The following RIMS1 variants were observed in gnomAD, a reference collection of about 807,000 sequenced individuals.
RIMS1 encodes the protein regulating synaptic membrane exocytosis 1, also known as regulating synaptic membrane exocytosis protein 1.
Under a neutral mutation model 214.1 loss-of-function variants are expected in RIMS1, and 83 were observed. The ratio of observed to expected loss-of-function variants is 0.39; its 90% CI spans 0.32 to 0.47. The LOEUF is 0.47. Ranked by LOEUF, RIMS1 falls within the 20% of genes least tolerant of loss-of-function variation. RIMS1 has a pLI of 0.99. For synonymous variants in RIMS1, 793 were observed against 786.8 expected, an observed-to-expected ratio of 1.01 and a Z score of -0.13; for missense variants, 2,050 against 2,161.8, an observed-to-expected ratio of 0.95 and a Z score of 1.03.
chr6:71,968,926 T>G, intron 1 of RIMS1, 57 bp from the exon 2 acceptor site: 1 of 1,470,360 alleles, frequency 6.8e-7, no homozygotes, highest in Non-Finnish European at 9.5e-7. Flanking sequence ...AATTTCTAGA[T>G]GTGTTCTACC....
chr6:72,204,902 ACTTTT>A (rs915521946), intron 6 of RIMS1, among the ~76,000 whole-genome samples: 10 of 152,042 alleles, frequency 6.6e-5, no homozygotes, highest in African/African-American at 2.4e-4. Flanking sequence ...AAAAAGGGTA[ACTTTT>A]CTTGTCTTCT....
At chr6:72,048,891 A>G (rs546296880) in intron 2 of RIMS1, among the ~76,000 whole-genome samples, 1 of 152,296 alleles carries the variant, frequency 6.6e-6, no homozygotes, top group Non-Finnish European at 1.5e-5. Flanking sequence ...TGCTGTCCCT[A>G]TCCTGCCCTC....
intron 2 of RIMS1, among the ~76,000 whole-genome samples, chr6:72,094,087 G>A (rs925878534): frequency 2.0e-5 from 3 of 150,150 alleles, no homozygotes; most frequent in African/African-American, 7.3e-5. Context: ...AGGATATGTT[G>A]TCCTCAATAT....
intron 6 of RIMS1, among the ~76,000 whole-genome samples, chr6:72,215,514 A>G (rs1006351041): frequency 6.6e-6 from 1 of 152,240 alleles, no homozygotes; most frequent in Non-Finnish European, 1.5e-5. Flanking sequence ...GGGCAATTTA[A>G]TTAGGTTTTC....
chr6:72,328,769 A>G (rs181318296), intron 28 of RIMS1, among the ~76,000 whole-genome samples: 90 of 151,748 alleles, frequency 5.9e-4, no homozygotes, highest in Admixed American at 1.1e-3. Flanking sequence ...TGCACAATAT[A>G]TTTCTTGAGT....
At chr6:72,087,107 G>A (rs1299692442) in intron 2 of RIMS1, among the ~76,000 whole-genome samples, 1 of 152,178 alleles carries the variant, frequency 6.6e-6, no homozygotes, top group African/African-American at 2.4e-5. Context: ...CAGATAAAAT[G>A]AGCGAGACAG....
intron 26 of RIMS1, among the ~76,000 whole-genome samples, chr6:72,296,422 A>C (rs1454042835): frequency 6.6e-6 from 1 of 151,968 alleles, no homozygotes; most frequent in African/African-American, 2.4e-5. Context: ...GCAGTCATAC[A>C]TCTGAGAAGC....
chr6:72,003,502 C>T (rs1806085505), intron 2 of RIMS1, among the ~76,000 whole-genome samples: 1 of 152,064 alleles, frequency 6.6e-6, no homozygotes, highest in East Asian at 1.9e-4. Context: ...TTTTCTCTGA[C>T]ACCTAATTTT....
Position 72,060,184 on chromosome 6 carries a change from G to A in RIMS1, c.246-36765G>A, listed in dbSNP as rs2152238445. Among the ~76,000 whole-genome samples the A allele has an allele frequency of 2.0e-5, 3 of 151,928 alleles. No individual in the cohort carries two copies. The South Asian group carries it at 6.3e-4, about 32-fold the overall frequency. On this transcript the variant is annotated intron_variant, in intron 2 of 33. Transcript: ENST00000521978. ...GGGTTTCTCCATGTTGGTCAGGCTG[G>A]TCTCAAACTCCCGACCTCAGGTGAT...
In RIMS1 at chr6:72,298,864, G is replaced by C. The variant is rs552554684; in HGVS notation, c.3850+6818G>C. Among the ~76,000 whole-genome samples the C allele has an allele frequency of 7.2e-5, 11 of 152,018 alleles. No individual in the cohort carries two copies. In the South Asian group the frequency reaches 1.5e-3, roughly 20 times the overall value. On this transcript the variant is annotated intron_variant, in intron 26 of 33. Transcript: ENST00000521978. ...ATACAGATAACAAATCCTTTGGCTT[G>C]AAAGTTAACAAAGCTAACAAAGATA...
At chr6:72,223,256 T>A (rs920040485) in intron 6 of RIMS1, among the ~76,000 whole-genome samples, 11 of 152,184 alleles carry the variant, frequency 7.2e-5, no homozygotes, top group Non-Finnish European at 1.5e-4. Flanking sequence ...TCAAATAAAT[T>A]AAGATAACTT....
chr6:72,346,818 T>A (rs1253579853), intron 29 of RIMS1, among the ~76,000 whole-genome samples: 1 of 151,880 alleles, frequency 6.6e-6, no homozygotes, highest in Admixed American at 6.6e-5. Flanking sequence ...CCATCTTCAT[T>A]CATTTACATG....
intron 2 of RIMS1, among the ~76,000 whole-genome samples, chr6:72,030,897 G>A (rs1419967284): frequency 6.6e-6 from 1 of 151,988 alleles, no homozygotes; most frequent in East Asian, 1.9e-4. Flanking sequence ...TAGGAAAGAC[G>A]GCACACAAAG....
chr6:72,077,081 C>A (rs929377748), intron 2 of RIMS1, among the ~76,000 whole-genome samples: 1 of 152,180 alleles, frequency 6.6e-6, no homozygotes, highest in Non-Finnish European at 1.5e-5. Context: ...CCTGTCCAGC[C>A]TTTGCACGGG....
At chr6:71,971,092 G>T (rs958531709) in intron 2 of RIMS1, among the ~76,000 whole-genome samples, 3 of 152,088 alleles carry the variant, frequency 2.0e-5, no homozygotes, top group African/African-American at 7.2e-5. Flanking sequence ...ACAGAACTTA[G>T]ATTTCTCTAT....
intron 2 of RIMS1, among the ~76,000 whole-genome samples, chr6:72,059,060 C>A (rs910164327): frequency 7.2e-5 from 11 of 152,100 alleles, no homozygotes; most frequent in African/African-American, 2.7e-4. Flanking sequence ...TATCTACTAC[C>A]TGTACTGTCT....
rs572182747 is a variant in RIMS1, at chr6:72,183,754, T to C, written c.1678+605T>C. Among the ~76,000 whole-genome samples, 4 of 152,128 alleles carry C rather than the reference T, an allele frequency of 2.6e-5. No individual in the cohort carries two copies. In the East Asian group the frequency reaches 7.7e-4, roughly 29 times the overall value. On this transcript the variant is annotated intron_variant, in intron 6 of 33. Transcript: ENST00000521978. ...TTTAAAAACTTGTGGACGAACCGGG[T>C]AGCCTGGCAATATTTTAATAAAATA...
chr6:71,903,727 G>A (rs552308222), intron 1 of RIMS1, among the ~76,000 whole-genome samples: 1 of 151,554 alleles, frequency 6.6e-6, no homozygotes, highest in East Asian at 1.9e-4. Context: ...CCAACCAAAA[G>A]AGCCCTGATA....
At chr6:72,279,147 A>G (rs117853845) in intron 23 of RIMS1, among the ~76,000 whole-genome samples, 11,178 of 152,060 alleles carry the variant, frequency 0.074, 477 homozygotes, top group Non-Finnish European at 0.1. Flanking sequence ...AGCTTTATTT[A>G]CCAACGTCTT....
Sources: gnomAD v4.1 joint callset for allele counts (sites outside exome capture counted in the v4.1 genomes callset) on GRCh38, gnomAD v4.1.1 for gene constraint, MANE v1.5 for transcripts, NCBI Gene and HGNC (gene_info 2026-07-23, HGNC 2026-07-21) for gene names.